SPOCK2: variants seen among roughly 807,000 people sequenced by gnomAD.
SPOCK2 encodes testican-2.
Under a neutral mutation model 60.1 loss-of-function variants are expected in SPOCK2, and 39 were observed. That is an observed-to-expected ratio of 0.65 (90% confidence interval 0.50 to 0.85). The LOEUF is 0.85. Among genes scored for constraint, SPOCK2 ranks in the 40% least tolerant of loss-of-function variants. The pLI, the probability that SPOCK2 is intolerant of heterozygous loss-of-function variation, is 0.00. For synonymous variants in SPOCK2, 217 were observed against 231.5 expected (o/e 0.94, Z 0.57); for missense variants, 523 against 567.4 (o/e 0.92, Z 0.80).
Position 72,061,685 on chromosome 10 carries a change from C to G in SPOCK2, c.*1075G>C, listed in dbSNP as rs1840492945. 1 of 153,160 alleles carries G rather than the reference C, an allele frequency of 6.5e-6. No individual in the cohort carries two copies. The highest frequency in any genetic ancestry group is 2.1e-4 in the South Asian group (1 of 4,838). 9.5% of individuals were successfully genotyped at this position (153,160 alleles called of 1,614,324 possible). On this transcript the variant is annotated 3_prime_UTR_variant, in exon 11 of 11. Coordinates refer to ENST00000373109, the MANE Select transcript of SPOCK2 (RefSeq NM_001244950.2). ...GGCGCCCTCAAGTGGATGAGGGGACCCCAGCAAGGGGGATGGAGGCAGGAG... is the reference window on the plus strand; with the variant it reads ...GGCGCCCTCAAGTGGATGAGGGGACGCCAGCAAGGGGGATGGAGGCAGGAG...
Position 72,087,621 on chromosome 10 carries a change from TC to T in SPOCK2, c.189+518del, listed in dbSNP as rs1271197803. 6.6e-6 allele frequency among the ~76,000 whole-genome samples: 1 copy of T among 151,710 alleles called. No homozygotes were observed. Among genetic ancestry groups the T allele is most frequent in the African/African-American group, 2.4e-5 (1 of 41,270 alleles). On this transcript the variant is annotated intron_variant, in intron 1 of 10. Transcript: ENST00000373109. The surrounding 1 kb of genome is among the most constrained non-coding windows in gnomAD (Gnocchi z 4.7). ...CCGGTCACACTCCCGTCCCATGCTG[TC>T]CCCCTCCCGCAAAGCCCACGGTGGG...
chr10:72,087,785 G>A lies in SPOCK2; in HGVS notation c.189+355C>T, dbSNP rs1433577892. Among the ~76,000 whole-genome samples the A allele has an allele frequency of 1.3e-5, 2 of 152,150 alleles. No homozygotes were observed. Among genetic ancestry groups the A allele is most frequent in the East Asian group, 3.9e-4 (2 of 5,162 alleles). ...GCCCGGGGGCGGCTCGCACAACGCA[G>A]CTGGGGACCGGGTCGGGGTCCAGCG... On this transcript the variant is annotated intron_variant, in intron 1 of 10. Coordinates refer to ENST00000373109, the MANE Select transcript of SPOCK2 (RefSeq NM_001244950.2). This position sits in a 1 kb window ranked among gnomAD's most constrained non-coding sequence, Gnocchi z 4.7.
intron 1 of SPOCK2, among the ~76,000 whole-genome samples, chr10:72,074,043 C>T (rs375981543): frequency 9.8e-5 from 15 of 152,288 alleles, no homozygotes; most frequent in African/African-American, 2.9e-4. Context: ...AGAAGCTACG[C>T]GCAGCTGCCC....
In SPOCK2 at chr10:72,087,009, A is replaced by G; in HGVS notation, c.189+1131T>C. On this transcript the variant is annotated intron_variant, in intron 1 of 10. Transcript: ENST00000373109. The surrounding 1 kb of genome is among the most constrained non-coding windows in gnomAD (Gnocchi z 4.7). ...CGAGGGAACCTGGGGAAGGAGGAGT[A>G]AGGGCCAGGGTCCTAGAAGAGGTTT... 6.4e-7 allele frequency: 1 copy of G among 1,551,286 alleles called. No homozygotes were observed. Among genetic ancestry groups the G allele is most frequent in the African/African-American group, 1.4e-5 (1 of 73,146 alleles).
chr10:72,087,478 G>A lies in SPOCK2; in HGVS notation c.189+662C>T, dbSNP rs1393650942. 6.6e-6 allele frequency among the ~76,000 whole-genome samples: 1 copy of A among 152,130 alleles called. No homozygotes were observed. Among genetic ancestry groups the A allele is most frequent in the African/African-American group, 2.4e-5 (1 of 41,448 alleles). ...GGATTCCCCCCTGAAATGTTGGTCC[G>A]GGAAAACCAGCCTGGGTCCTCGCGC... On this transcript the variant is annotated intron_variant, in intron 1 of 10. Coordinates refer to ENST00000373109, the MANE Select transcript of SPOCK2 (RefSeq NM_001244950.2). The surrounding 1 kb of genome is among the most constrained non-coding windows in gnomAD (Gnocchi z 4.7).
At position 72,073,033 on chromosome 10, in the gene SPOCK2, G is replaced by A. The variant is rs186190446; in HGVS notation, c.190-123C>T. Reference sequence around the variant, plus strand: ...GGGTCCCCTGCCTCATCATGTGGCCGAGCAATGGCCTTCGATGGCTGTGTT... The same window carrying A: ...GGGTCCCCTGCCTCATCATGTGGCCAAGCAATGGCCTTCGATGGCTGTGTT... On this transcript the variant is annotated intron_variant, in intron 1 of 10. Coordinates refer to ENST00000373109, the MANE Select transcript of SPOCK2 (RefSeq NM_001244950.2). The A allele has an allele frequency of 5.0e-4, 678 of 1,358,916 alleles. 2 individuals carry two copies. Among genetic ancestry groups the A allele is most frequent in the South Asian group, 1.4e-3 (106 of 78,368 alleles). The allele number at this position is 1,358,916 out of a possible 1,614,324, so 84.2% of individuals were successfully genotyped here.
At chr10:72,066,061 G>C (rs1392093067) in intron 8 of SPOCK2, among the ~76,000 whole-genome samples, 1 of 152,174 alleles carries the variant, frequency 6.6e-6, no homozygotes, top group Non-Finnish European at 1.5e-5. Context: ...CAGCCACACA[G>C]GTCAGGTGAG....
intron 1 of SPOCK2, among the ~76,000 whole-genome samples, chr10:72,083,133 C>T (rs1255401460): frequency 6.6e-6 from 1 of 152,202 alleles, no homozygotes; most frequent in Non-Finnish European, 1.5e-5. Flanking sequence ...CATTAGGCCC[C>T]ATTTCTCAGG....
rs1231896836 is a variant in SPOCK2, at chr10:72,086,172, AAC to A, written c.189+1966_189+1967del. 8.1e-6 allele frequency: 8 copies of A among 984,960 alleles called. No individual in the cohort carries two copies. The African/African-American group carries it at 1.4e-4, about 17-fold the overall frequency. 61.0% of individuals were successfully genotyped at this position (984,960 alleles called of 1,614,324 possible). A position where few individuals can be genotyped will look rare whatever the true frequency, so the allele number is the denominator to read the frequency against. On this transcript the variant is annotated intron_variant, in intron 1 of 10. Coordinates refer to ENST00000373109, the MANE Select transcript of SPOCK2 (RefSeq NM_001244950.2). ...ACAAAAGCCTGAGGCTACCAAAATC[AAC>A]ACACACCTAAAGCTTTCCCATGAAT... is the stretch of plus-strand genomic sequence containing the variant.
At chr10:72,067,543 GCATAC>G in intron 7 of SPOCK2, 65 bp downstream of exon 7, 2 of 1,597,560 alleles carry the variant, frequency 1.3e-6, no homozygotes, top group Non-Finnish European at 1.7e-6. Flanking sequence ...GACTGGCCCA[GCATAC>G]ACCTGTGTCC....
intron 5 of SPOCK2, among the ~76,000 whole-genome samples, chr10:72,069,883 T>C (rs755722305): frequency 1.6e-4 from 24 of 152,226 alleles, no homozygotes; most frequent in Non-Finnish European, 2.8e-4. Context: ...GATTATTTCC[T>C]GCTGCCCCAG....
At chr10:72,084,736 A>C (rs1216076104) in intron 1 of SPOCK2, among the ~76,000 whole-genome samples, 1 of 152,206 alleles carries the variant, frequency 6.6e-6, no homozygotes, top group East Asian at 1.9e-4. Flanking sequence ...TGGGTAAATT[A>C]CTTCTCTGTG....
intron 1 of SPOCK2, 146 bp from the exon 2 acceptor site, chr10:72,073,056 G>A: frequency 1.8e-6 from 2 of 1,128,994 alleles, no homozygotes; most frequent in Non-Finnish European, 2.6e-6. Context: ...CGATGGCTGT[G>A]TTCCTCTGAC....
At chr10:72,082,850 T>C (rs1366022009) in intron 1 of SPOCK2, among the ~76,000 whole-genome samples, 13 of 103,584 alleles carry the variant, frequency 1.3e-4, no homozygotes, top group Non-Finnish European at 1.7e-4. Context: ...TGAGACCCTG[T>C]CTCAAAAAAA....
chr10:72,083,849 T>C (rs961023226), intron 1 of SPOCK2, among the ~76,000 whole-genome samples: 3 of 152,200 alleles, frequency 2.0e-5, no homozygotes, highest in Non-Finnish European at 4.4e-5. Flanking sequence ...ACCCCAATTA[T>C]GAAATCCATC....
intron 8 of SPOCK2, among the ~76,000 whole-genome samples, chr10:72,065,848 C>T (rs1840560555): frequency 6.6e-6 from 1 of 152,244 alleles, no homozygotes. Flanking sequence ...TTTCTTGGCT[C>T]ATCCTCACAA....
In SPOCK2 at chr10:72,087,404, G is replaced by A. The variant is rs957221867; in HGVS notation, c.189+736C>T. Among the ~76,000 whole-genome samples, 3 of 152,028 alleles carry A rather than the reference G, an allele frequency of 2.0e-5. No individual in the cohort carries two copies. Among genetic ancestry groups the A allele is most frequent in the African/African-American group, 7.2e-5 (3 of 41,412 alleles). On this transcript the variant is annotated intron_variant, in intron 1 of 10. Coordinates refer to ENST00000373109, the MANE Select transcript of SPOCK2 (RefSeq NM_001244950.2). This position sits in a 1 kb window ranked among gnomAD's most constrained non-coding sequence, Gnocchi z 4.7. ...CTCTCCCCGGCTTCTCAAGCCCACC[G>A]GGCCGGGAGCCTTCCTCTGGCTCCG...
At chr10:72,064,092 G>A in intron 9 of SPOCK2, 86 bp downstream of exon 9, 1 of 1,524,944 alleles carries the variant, frequency 6.6e-7, no homozygotes, top group Non-Finnish European at 8.9e-7. Context: ...TCTGCCATGA[G>A]GCCCAAGGCT....
intron 3 of SPOCK2, 82 bp from the exon 4 acceptor site, chr10:72,072,340 T>C: frequency 6.9e-7 from 1 of 1,439,376 alleles, no homozygotes; most frequent in African/African-American, 1.4e-5. Context: ...GGGAGGCCTC[T>C]CCCTCCAGCA....
Sources: gnomAD v4.1 joint callset for allele counts (sites outside exome capture counted in the v4.1 genomes callset) on GRCh38, gnomAD v4.1.1 for gene constraint, Gnocchi (gnomAD v3.1) non-coding constraint, MANE v1.5 for transcripts, NCBI Gene and HGNC (gene_info 2026-07-23, HGNC 2026-07-21) for gene names.